The following PTPRN2 variants were observed in gnomAD, a reference collection of about 807,000 sequenced individuals.
PTPRN2 encodes receptor-type tyrosine-protein phosphatase N2.
A neutral mutation model predicts 118.8 loss-of-function variants in PTPRN2; 74 were observed. That is an observed-to-expected ratio of 0.62 (90% CI 0.52 to 0.76). The LOEUF is 0.76. Ranked by LOEUF, PTPRN2 falls within the 30% of genes least tolerant of loss-of-function variation. The pLI is 0.00. For synonymous variants in PTPRN2, 641 were observed against 608.0 expected, an observed-to-expected ratio of 1.05 and a Z score of -0.80; for missense variants, 1,481 against 1,394.4, an observed-to-expected ratio of 1.06 and a Z score of -0.99.
At chr7:158,321,535 C>T (rs754850820) in intron 2 of PTPRN2, among the ~76,000 whole-genome samples, 11 of 152,338 alleles carry the variant, frequency 7.2e-5, no homozygotes, top group South Asian at 6.2e-4. Flanking sequence ...AGTGCATCAC[C>T]GCACCGCAGT....
intron 12 of PTPRN2, among the ~76,000 whole-genome samples, chr7:157,684,890 G>A (rs1434497943): frequency 2.6e-5 from 4 of 151,992 alleles, no homozygotes; most frequent in East Asian, 1.9e-4. Flanking sequence ...GCGCGCGGGG[G>A]GCCCCAGGCG....
intron 11 of PTPRN2, among the ~76,000 whole-genome samples, chr7:158,071,003 G>A (rs1291488197): frequency 2.4e-5 from 2 of 82,808 alleles, no homozygotes; most frequent in African/African-American, 5.8e-5. Context: ...AGGTGCTCAT[G>A]GTGGTGGAGG....
intron 13 of PTPRN2, chr7:157,669,425 GCA>G (rs5888726): frequency 6.0e-4 from 249 of 417,354 alleles, no homozygotes; most frequent in Admixed American, 1.7e-3. Context: ...GTTTGCACGC[GCA>G]CACACACACA....
At chr7:158,327,745 C>T (rs1447673605) in intron 2 of PTPRN2, among the ~76,000 whole-genome samples, 1 of 152,200 alleles carries the variant, frequency 6.6e-6, no homozygotes, top group Non-Finnish European at 1.5e-5. Context: ...CCCACTGCCC[C>T]CTCCTGGTGG....
intron 12 of PTPRN2, among the ~76,000 whole-genome samples, chr7:157,730,953 T>A (rs116563596): frequency 0.026 from 3,946 of 151,788 alleles, 146 homozygotes; most frequent in African/African-American, 0.087. Context: ...CCCCACCCAA[T>A]GCCCCCTCTT....
rs1035195678 is a variant in PTPRN2 at position 157,861,044 on chromosome 7, C to T, written c.1788+37629G>A. On this transcript the variant is annotated intron_variant, in intron 12 of 22. Coordinates refer to ENST00000389418, the MANE Select transcript of PTPRN2 (RefSeq NM_002847.5). This position sits in a 1 kb window ranked among gnomAD's most constrained non-coding sequence, Gnocchi z 5.8. ...TGTGGAGAGGTGGGGGGCAGGGTGA[C>T]CTTCTCTTTCTTGTGGGGGTTGGAA... 1.6e-4 allele frequency among the ~76,000 whole-genome samples: 25 copies of T among 152,246 alleles called. No homozygotes were observed. Among genetic ancestry groups the T allele is most frequent in the Middle Eastern group, 3.4e-3 (1 of 294 alleles).
At chr7:157,714,778 T>C (rs868404884) in intron 12 of PTPRN2, among the ~76,000 whole-genome samples, 1 of 152,052 alleles carries the variant, frequency 6.6e-6, no homozygotes, top group East Asian at 1.9e-4. Flanking sequence ...CAGTCCGACA[T>C]GCTTCTGAAA....
chr7:157,936,277 G>A (rs200725490), intron 11 of PTPRN2, among the ~76,000 whole-genome samples: 11 of 152,154 alleles, frequency 7.2e-5, no homozygotes, highest in African/African-American at 2.7e-4. Flanking sequence ...TGACTGAGCC[G>A]AAGCTCTCTG....
At chr7:158,131,960 CAGAT>C (rs1258282388) in intron 9 of PTPRN2, among the ~76,000 whole-genome samples, 3 of 151,720 alleles carry the variant, frequency 2.0e-5, no homozygotes, top group East Asian at 3.9e-4. Context: ...CAAATACGCA[CAGAT>C]ACACATCTAC....
chr7:157,587,172 C>G lies in PTPRN2; in HGVS notation c.2496+8066G>C, dbSNP rs564350011. Reference sequence around the variant, plus strand: ...ACAGGCAGACAGGCAGGCAGACAGACAAGACAGGCAGATAGAGACAAGACA... The same window carrying G: ...ACAGGCAGACAGGCAGGCAGACAGAGAAGACAGGCAGATAGAGACAAGACA... On this transcript the variant is annotated intron_variant, in intron 17 of 22. Coordinates refer to ENST00000389418, the MANE Select transcript of PTPRN2 (RefSeq NM_002847.5). The surrounding 1 kb of genome is among the most constrained non-coding windows in gnomAD (Gnocchi z 5.3). Among the ~76,000 whole-genome samples the G allele has an allele frequency of 6.8e-6, 1 of 146,438 alleles. No individual in the cohort carries two copies. The highest frequency in any genetic ancestry group is 1.5e-5 in the Non-Finnish European group (1 of 65,898).
At chr7:158,561,397 G>A (rs969314604) in intron 1 of PTPRN2, among the ~76,000 whole-genome samples, 6 of 152,160 alleles carry the variant, frequency 3.9e-5, no homozygotes, top group African/African-American at 1.2e-4. Context: ...GGAAAATGCC[G>A]CTTCTGCAGG....
rs371205216 is a variant in PTPRN2 at position 157,747,144 on chromosome 7, G to A, written c.1789-64207C>T. Among the ~76,000 whole-genome samples, 516 of 115,328 alleles carry A rather than the reference G, an allele frequency of 4.5e-3. 17 individuals are homozygous for A. Among genetic ancestry groups the A allele is most frequent in the Middle Eastern group, 0.012 (3 of 242 alleles). 75.7% of individuals were successfully genotyped at this position (115,328 alleles called of 152,430 possible). ...GGCCTGTGTCCCTGAGCTGTGGGCT[G>A]TTGAGGTGATTCTGAGGCCTGCGTC... On this transcript the variant is annotated intron_variant, in intron 12 of 22. Transcript: ENST00000389418.
At chr7:157,673,827 C>T (rs1327490540) in intron 13 of PTPRN2, among the ~76,000 whole-genome samples, 2 of 152,186 alleles carry the variant, frequency 1.3e-5, no homozygotes, top group East Asian at 1.9e-4. Flanking sequence ...GCCCGCCCCA[C>T]CCGGCACCCA....
intron 11 of PTPRN2, among the ~76,000 whole-genome samples, chr7:157,984,195 C>A (rs1044589225): frequency 6.6e-6 from 1 of 151,972 alleles, no homozygotes; most frequent in African/African-American, 2.4e-5. Flanking sequence ...TGTAAACCAG[C>A]GTCCCTGCCT....
At position 157,590,787 on chromosome 7, in the gene PTPRN2, G is replaced by A. The variant is rs1281427269; in HGVS notation, c.2496+4451C>T. On this transcript the variant is annotated intron_variant, in intron 17 of 22. Transcript: ENST00000389418. The surrounding 1 kb of genome is among the most constrained non-coding windows in gnomAD (Gnocchi z 4.0). Reference sequence around the variant, plus strand: ...AGGCTCCCCCCTTCTGGACCCATGGGCCCCTGTACAGCATTTCTTGCTGAG... The same window carrying A: ...AGGCTCCCCCCTTCTGGACCCATGGACCCCTGTACAGCATTTCTTGCTGAG... Among the ~76,000 whole-genome samples the A allele has an allele frequency of 1.3e-5, 2 of 152,124 alleles. No homozygotes were observed. Among genetic ancestry groups the A allele is most frequent in the East Asian group, 3.9e-4 (2 of 5,162 alleles).
chr7:158,338,205 C>T (rs377222784), intron 2 of PTPRN2, among the ~76,000 whole-genome samples: 1 of 76,092 alleles, frequency 1.3e-5, no homozygotes, highest in Non-Finnish European at 2.6e-5. Flanking sequence ...GCAGACGTCA[C>T]TCACACCCAC....
intron 11 of PTPRN2, among the ~76,000 whole-genome samples, chr7:158,056,273 C>T (rs1809785433): frequency 6.6e-6 from 1 of 152,206 alleles, no homozygotes; most frequent in Admixed American, 6.5e-5. Flanking sequence ...TGAGCCATCA[C>T]AGCATGGCCA....
At position 157,987,982 on chromosome 7, in the gene PTPRN2, G is replaced by A. The variant is rs940834495; in HGVS notation, c.1724-89245C>T. On this transcript the variant is annotated intron_variant, in intron 11 of 22. Transcript: ENST00000389418. The surrounding 1 kb of genome is among the most constrained non-coding windows in gnomAD (Gnocchi z 4.3). ...TCTCCCCACACCTGCCATTCCCTGC[G>A]TTACTGCAGCAGGGATCCAGAGAAC... 6.6e-6 allele frequency among the ~76,000 whole-genome samples: 1 copy of A among 150,770 alleles called. No individual in the cohort carries two copies. Among genetic ancestry groups the A allele is most frequent in the East Asian group, 2.0e-4 (1 of 4,998 alleles).
intron 3 of PTPRN2, among the ~76,000 whole-genome samples, chr7:158,267,864 C>T (rs1401932617): frequency 2.0e-5 from 3 of 152,200 alleles, no homozygotes; most frequent in Non-Finnish European, 4.4e-5. Flanking sequence ...GCTGTGACCA[C>T]GGACTTAGGA....
Sources: allele counts gnomAD v4.1 joint callset (sites outside exome capture counted in the v4.1 genomes callset), GRCh38; gene constraint gnomAD v4.1.1; non-coding constraint Gnocchi (gnomAD v3.1); transcripts MANE v1.5; gene names NCBI Gene and HGNC (gene_info 2026-07-23, HGNC 2026-07-21).